Variants in HACE1 observed in about 807,000 individuals in gnomAD.
HACE1 encodes the protein E3 ubiquitin-protein ligase HACE1.
HACE1 carries 73 observed loss-of-function variants against 118.4 expected under a neutral mutation model. The observed-to-expected ratio is 0.62, with a 90% CI of 0.51 to 0.75. HACE1 has a LOEUF of 0.75. HACE1 is among the 30% of genes least tolerant of loss of function. The pLI, the probability that HACE1 is intolerant of heterozygous loss-of-function variation, is 0.00. For synonymous variants in HACE1, 368 were observed against 374.8 expected (o/e 0.98, Z 0.21); for missense variants, 749 against 1,102.2 (o/e 0.68, Z 4.54).
At chr6:104,801,764 T>C (rs191232899) in intron 7 of HACE1, among the ~76,000 whole-genome samples, 116 of 152,206 alleles carry the variant, frequency 7.6e-4, no homozygotes, top group Admixed American at 3.5e-3. Flanking sequence ...ACATGCCAAA[T>C]TGTGAAGACC....
chr6:104,785,369 T>TAAAAAAAAAAAAAAAAAAAAAAAAAAAAA, intron 11 of HACE1, 50 bp from the exon 12 acceptor site: 1 of 743,258 alleles, frequency 1.3e-6, no homozygotes, highest in African/African-American at 1.9e-5. Flanking sequence ...ACTACAGGAT[T>TAAAAAAAAAAAAAAAAAAAAAAAAAAAAA]AAAAAAAAAA....
At chr6:104,787,660 C>T (rs751343844) in intron 11 of HACE1, among the ~76,000 whole-genome samples, 1 of 152,090 alleles carries the variant, frequency 6.6e-6, no homozygotes, top group East Asian at 1.9e-4. Flanking sequence ...TAAGGCCTAA[C>T]GCAAGAAATG....
intron 5 of HACE1, 106 bp downstream of exon 5, chr6:104,843,117 A>C: frequency 1.3e-6 from 1 of 753,318 alleles, no homozygotes; most frequent in Non-Finnish European, 2.4e-6. Flanking sequence ...TCTCAAAAAA[A>C]AGTAACTTGC....
intron 20 of HACE1, among the ~76,000 whole-genome samples, chr6:104,749,762 T>A (rs894529114): frequency 6.6e-6 from 1 of 151,882 alleles, no homozygotes; most frequent in Non-Finnish European, 1.5e-5. Flanking sequence ...ATAAATCATA[T>A]AAAATTAGAA....
intron 14 of HACE1, 116 bp downstream of exon 14, chr6:104,783,970 A>G: frequency 2.9e-6 from 2 of 698,042 alleles, no homozygotes; most frequent in Admixed American, 4.4e-5. Context: ...AGTAACATGC[A>G]ATCATTCCTC....
chr6:104,804,907 C>G (rs985605383), intron 7 of HACE1, among the ~76,000 whole-genome samples: 5 of 152,172 alleles, frequency 3.3e-5, no homozygotes, highest in Non-Finnish European at 7.3e-5. Context: ...AAACTACCAT[C>G]AGAGTGAACA....
At chr6:104,791,378 G>A in intron 11 of HACE1, 126 bp downstream of exon 11, 1 of 805,086 alleles carries the variant, frequency 1.2e-6, no homozygotes, top group Non-Finnish European at 2.2e-6. Context: ...GCCTAATTTT[G>A]AAAGTGATAT....
intron 2 of HACE1, among the ~76,000 whole-genome samples, chr6:104,851,740 AAT>A (rs910139484): frequency 5.9e-5 from 9 of 152,144 alleles, no homozygotes; most frequent in Non-Finnish European, 8.8e-5. Context: ...CAAAAAAAAA[AAT>A]TTTTTTAACT....
chr6:104,786,857 C>T (rs1046743225), intron 11 of HACE1: 14 of 152,082 alleles, frequency 9.2e-5, no homozygotes, highest in Admixed American at 2.6e-4. Context: ...GAAAGACTCA[C>T]CTTTAAAATA....
intron 7 of HACE1, among the ~76,000 whole-genome samples, chr6:104,800,062 G>A (rs531314168): frequency 2.4e-4 from 36 of 152,240 alleles, no homozygotes; most frequent in African/African-American, 3.4e-4. Context: ...ATTCCATCCC[G>A]TGCCTGGCTC....
At position 104,805,209 on chromosome 6, in the gene HACE1, G is replaced by C. The variant is rs574403344; in HGVS notation, c.617+6102C>G. On this transcript the variant is annotated intron_variant, in intron 7 of 23. Coordinates refer to ENST00000262903, the MANE Select transcript of HACE1 (RefSeq NM_020771.4). ...TCATTAAGAAGTCAAGAAACAACAA[G>C]TGCTGGAGAGGATGTGGAGAAATAG... Among the ~76,000 whole-genome samples, 4 of 152,256 alleles carry C rather than the reference G, an allele frequency of 2.6e-5. No individual in the cohort carries two copies. The East Asian group carries it at 7.7e-4, about 29-fold the overall frequency.
intron 1 of HACE1, among the ~76,000 whole-genome samples, chr6:104,855,561 T>C (rs756065744): frequency 2.5e-4 from 38 of 152,176 alleles, no homozygotes; most frequent in African/African-American, 4.1e-4. Flanking sequence ...ATATGTAAAA[T>C]AGACTCTGTT....
chr6:104,775,788 T>C (rs9391241), intron 17 of HACE1, among the ~76,000 whole-genome samples: 86,080 of 152,118 alleles, frequency 0.57, 25,998 homozygotes, highest in African/African-American at 0.8. Flanking sequence ...TACTGCAGCC[T>C]ACTCCCACTT....
At chr6:104,812,828 T>C (rs1475814417) in intron 6 of HACE1, among the ~76,000 whole-genome samples, 1 of 152,160 alleles carries the variant, frequency 6.6e-6, no homozygotes, top group Admixed American at 6.5e-5. Flanking sequence ...GAGCTAAAAA[T>C]AGGAGGAATA....
At chr6:104,783,219 G>T (rs1781929850) in intron 14 of HACE1, among the ~76,000 whole-genome samples, 2 of 152,068 alleles carry the variant, frequency 1.3e-5, no homozygotes, top group Admixed American at 1.3e-4. Context: ...CTTTCTCAAG[G>T]TAACTTAAAA....
Position 104,825,856 on chromosome 6 carries a change from T to A in HACE1, c.534+7186A>T, listed in dbSNP as rs561821914. On this transcript the variant is annotated intron_variant, in intron 6 of 23. Transcript: ENST00000262903. ...AATTCTTTGTTCAAAATGCCAAGAATCTGGACACCCTCCACCAGTTTCTTC... is the reference window on the plus strand; with the variant it reads ...AATTCTTTGTTCAAAATGCCAAGAAACTGGACACCCTCCACCAGTTTCTTC... Among the ~76,000 whole-genome samples the A allele has an allele frequency of 2.6e-4, 40 of 152,356 alleles. No homozygotes were observed. The Middle Eastern group carries it at 0.01, about 39-fold the overall frequency.
At position 104,764,974 on chromosome 6, in the gene HACE1, T is replaced by C. The variant is rs572076663; in HGVS notation, c.2211+6219A>G. 7.9e-5 allele frequency among the ~76,000 whole-genome samples: 12 copies of C among 152,292 alleles called. 1 individual carries two copies. Among genetic ancestry groups the C allele is most frequent in the African/African-American group, 2.9e-4 (12 of 41,554 alleles). On this transcript the variant is annotated intron_variant, in intron 19 of 23. Transcript: ENST00000262903. ...AACAGCATACACAACATCCTTCATA[T>C]TAAACTCCCTTTGAAAACCTTCCAC...
chr6:104,730,894 T>C (rs1332821499), intron 22 of HACE1: 1 of 154,566 alleles, frequency 6.5e-6, no homozygotes, highest in East Asian at 1.9e-4. Context: ...ATTTCCTTGT[T>C]TGTGAAAAAT....
chr6:104,771,852 T>C (rs1245900890), intron 18 of HACE1, 73 bp downstream of exon 18: 1 of 1,021,818 alleles, frequency 9.8e-7, no homozygotes, highest in Non-Finnish European at 1.5e-6. Context: ...ATACTACTGC[T>C]TATCTAGTTT....
Sources: gnomAD v4.1 joint callset for allele counts (sites outside exome capture counted in the v4.1 genomes callset) on GRCh38, gnomAD v4.1.1 for gene constraint, MANE v1.5 for transcripts, NCBI Gene and HGNC (gene_info 2026-07-23, HGNC 2026-07-21) for gene names.